The following SLIT2 variants were observed in gnomAD, a reference collection of about 807,000 sequenced individuals.
SLIT2 encodes slit guidance ligand 2.
Under a neutral mutation model 185.7 loss-of-function variants are expected in SLIT2, and 41 were observed. The observed-to-expected ratio is 0.22, with a 90% CI of 0.17 to 0.29. The LOEUF is 0.29. Among genes scored for constraint, SLIT2 ranks in the 10% least tolerant of loss-of-function variants. The pLI, the probability that SLIT2 is intolerant of heterozygous loss-of-function variation, is 1.00. For synonymous variants in SLIT2, 693 were observed against 680.2 expected (o/e 1.02, Z -0.29); for missense variants, 1,571 against 1,909.0 (o/e 0.82, Z 3.30).
intron 5 of SLIT2, among the ~76,000 whole-genome samples, chr4:20,472,949 A>G (rs1014006616): frequency 4.0e-5 from 6 of 151,796 alleles, no homozygotes; most frequent in Non-Finnish European, 8.8e-5. Flanking sequence ...GTACAAATAT[A>G]TAAACTTTAA....
At position 20,583,533 on chromosome 4, in the gene SLIT2, C is replaced by A. The variant is rs187297337; in HGVS notation, c.3089-6111C>A. 2.7e-3 allele frequency among the ~76,000 whole-genome samples: 407 copies of A among 152,136 alleles called. 4 individuals are homozygous for A. The highest frequency in any genetic ancestry group is 9.4e-3 in the African/African-American group (391 of 41,510). On this transcript the variant is annotated intron_variant, in intron 29 of 36. Transcript: ENST00000504154. ...GCATTAAAAACAGTTAGGTTCAGGCCGGGCACAGTGGCTCACGCCTGTAAT... is the reference window on the plus strand; with the variant it reads ...GCATTAAAAACAGTTAGGTTCAGGCAGGGCACAGTGGCTCACGCCTGTAAT...
chr4:20,264,318 G>A (rs1712801166), intron 3 of SLIT2, among the ~76,000 whole-genome samples: 1 of 151,824 alleles, frequency 6.6e-6, no homozygotes, highest in Admixed American at 6.6e-5. Context: ...GATCATTCAT[G>A]TAGGAGAAAT....
At chr4:20,260,130 A>G (rs1031098213) in intron 3 of SLIT2, among the ~76,000 whole-genome samples, 1 of 151,916 alleles carries the variant, frequency 6.6e-6, no homozygotes, top group Admixed American at 6.6e-5. Context: ...TTTAAAAAAT[A>G]AAAACTACAA....
intron 4 of SLIT2, among the ~76,000 whole-genome samples, chr4:20,315,312 T>C (rs1718480009): frequency 6.6e-6 from 1 of 151,984 alleles, no homozygotes; most frequent in South Asian, 2.1e-4. Context: ...CACAACAGAG[T>C]AGTTCAACAA....
At chr4:20,373,841 A>G (rs1455197823) in intron 4 of SLIT2, among the ~76,000 whole-genome samples, 2 of 152,088 alleles carry the variant, frequency 1.3e-5, no homozygotes, top group East Asian at 3.9e-4. Context: ...GGCACAGTCC[A>G]TCCCAGGGAA....
chr4:20,417,186 T>C (rs1329961969), intron 4 of SLIT2, among the ~76,000 whole-genome samples: 4 of 152,026 alleles, frequency 2.6e-5, no homozygotes, highest in Non-Finnish European at 4.4e-5. Flanking sequence ...TGTCAGGGCC[T>C]ATTGCATTTA....
At chr4:20,522,199 A>G (rs1417663805) in intron 12 of SLIT2, among the ~76,000 whole-genome samples, 2 of 152,094 alleles carry the variant, frequency 1.3e-5, no homozygotes, top group African/African-American at 4.8e-5. Context: ...AGTTGATGAC[A>G]TTGTTTCCAC....
Position 20,598,368 on chromosome 4 carries a change from G to A in SLIT2, c.3665G>A (p.Gly1222Asp), listed in dbSNP as rs200082920. 1 of 1,614,060 alleles carries A rather than the reference G, an allele frequency of 6.2e-7. No individual in the cohort carries two copies. The highest frequency in any genetic ancestry group is 2.2e-5 in the East Asian group (1 of 44,874). ...CGTGTTCGTGCCAGCTATGACACCG[G>A]CTCTCATCCAGCTTCTGCCATTTAC... ...RGRVRASYDT[G>D]SHPASAIYSV... The change falls in exon 33 of 37, where the codon GGC becomes GAC. Residue 1222 changes from glycine (G) to aspartate (D), a missense_variant. Physicochemically the swap from Gly to Asp is moderately conservative, Grantham distance 94. Coordinates refer to ENST00000504154, the MANE Select transcript of SLIT2 (RefSeq NM_004787.4).
At chr4:20,606,544 T>A (rs905702765) in intron 33 of SLIT2, among the ~76,000 whole-genome samples, 3 of 151,988 alleles carry the variant, frequency 2.0e-5, no homozygotes, top group Non-Finnish European at 4.4e-5. Context: ...GAGGTCAAGA[T>A]GAGGCTTCAT....
chr4:20,319,815 A>C (rs1426302701), intron 4 of SLIT2, among the ~76,000 whole-genome samples: 2 of 151,998 alleles, frequency 1.3e-5, no homozygotes, highest in Non-Finnish European at 2.9e-5. Flanking sequence ...ACAAAACAAA[A>C]AAAAAACAAA....
intron 9 of SLIT2, among the ~76,000 whole-genome samples, chr4:20,508,264 C>A (rs1381336486): frequency 6.6e-6 from 1 of 151,756 alleles, no homozygotes; most frequent in Non-Finnish European, 1.5e-5. Flanking sequence ...AGAGGATGTC[C>A]TTGGGTATGT....
chr4:20,595,749 G>C lies in SLIT2; in HGVS notation c.3235G>C (p.Asp1079His). The C allele has an allele frequency of 3.7e-6, 6 of 1,614,046 alleles. No homozygotes were observed. The highest frequency in any genetic ancestry group is 5.1e-6 in the Non-Finnish European group (6 of 1,180,002). Residue 1079 changes from aspartate (D) to histidine (H), a missense_variant, in exon 31 of 37, where the codon GAC becomes CAC. Around this residue, in one of 3 missense-constraint regions of SLIT2, gnomAD observed 1,202 missense variants for 1,416.4 expected, o/e 0.85. Coordinates refer to ENST00000504154, the MANE Select transcript of SLIT2 (RefSeq NM_004787.4). The stretch of plus-strand genomic sequence containing the variant: ...TGAACACTGCGACATCGATTTTGAC[G>C]ACTGCCAAGACAACAAGTGTAAAAA... ...VGEHCDIDFD[D>H]CQDNKCKNGA... is the part of the protein sequence containing the mutation.
intron 4 of SLIT2, among the ~76,000 whole-genome samples, chr4:20,281,722 A>G (rs949642592): frequency 6.6e-6 from 1 of 152,204 alleles, no homozygotes; most frequent in African/African-American, 2.4e-5. Context: ...TACATTTGAT[A>G]AAAGGAAATA....
At chr4:20,433,730 GT>G (rs1729148975) in intron 4 of SLIT2, among the ~76,000 whole-genome samples, 2 of 152,104 alleles carry the variant, frequency 1.3e-5, no homozygotes, top group Non-Finnish European at 2.9e-5. Flanking sequence ...TTTAACTCTG[GT>G]TTTCCCTCTG....
chr4:20,574,597 G>C (rs908830827), intron 29 of SLIT2, among the ~76,000 whole-genome samples: 1 of 151,958 alleles, frequency 6.6e-6, no homozygotes, highest in Non-Finnish European at 1.5e-5. Context: ...GACCAGCCTG[G>C]GCAACATGGT....
chr4:20,519,892 G>A (rs1194374781), intron 12 of SLIT2, among the ~76,000 whole-genome samples: 4 of 151,698 alleles, frequency 2.6e-5, no homozygotes, highest in African/African-American at 4.8e-5. Flanking sequence ...TTAGCCGGGC[G>A]TGGTGGTGGT....
At chr4:20,300,312 G>A (rs1716917848) in intron 4 of SLIT2, among the ~76,000 whole-genome samples, 1 of 152,084 alleles carries the variant, frequency 6.6e-6, no homozygotes, top group Non-Finnish European at 1.5e-5. Flanking sequence ...AGTAAAGAAA[G>A]TGGAATGGTT....
chr4:20,452,530 A>G (rs1712583357), intron 4 of SLIT2, among the ~76,000 whole-genome samples: 1 of 151,980 alleles, frequency 6.6e-6, no homozygotes, highest in Non-Finnish European at 1.5e-5. Context: ...TCTTTGTTGT[A>G]TGTTCTGCAT....
In SLIT2 at chr4:20,512,402, C is replaced by A. The variant is rs557159424; in HGVS notation, c.1058+1265C>A. ...CAAAAACAAAAAACACTACAGTTTT[C>A]TTTAAAAAGGAAAATGGAAAACTGT... On this transcript the variant is annotated intron_variant, in intron 11 of 36. Coordinates refer to ENST00000504154, the MANE Select transcript of SLIT2 (RefSeq NM_004787.4). Among the ~76,000 whole-genome samples, 55 of 152,300 alleles carry A rather than the reference C, an allele frequency of 3.6e-4. 2 individuals carry two copies. Among genetic ancestry groups the A allele is most frequent in the Admixed American group, 3.0e-3 (46 of 15,292 alleles).
Sources: gnomAD v4.1 joint callset for allele counts (sites outside exome capture counted in the v4.1 genomes callset) on GRCh38, gnomAD v4.1.1 for gene constraint, gnomAD v4.1.1 regional missense constraint, MANE v1.5 for transcripts, NCBI Gene and HGNC (gene_info 2026-07-23, HGNC 2026-07-21) for gene names.